Variants in BRD7 observed in about 807,000 individuals in gnomAD.
The protein encoded by BRD7 is bromodomain containing 7.
Under a neutral mutation model 82.1 loss-of-function variants are expected in BRD7, and 15 were observed. The ratio of observed to expected loss-of-function variants is 0.18; its 90% confidence interval spans 0.12 to 0.28. The LOEUF (loss-of-function observed/expected upper bound fraction) is 0.28. Among genes scored for constraint, BRD7 ranks in the 10% least tolerant of loss-of-function variants. BRD7 has a pLI of 1.00. For missense variants in BRD7, 638 were observed against 779.9 expected (o/e 0.82, Z 2.17); for synonymous variants, 232 against 266.9 (o/e 0.87, Z 1.27).
At chr16:50,351,625 T>C (rs74708933) in intron 4 of BRD7, among the ~76,000 whole-genome samples, 2,532 of 152,308 alleles carry the variant, frequency 0.017, 69 homozygotes, top group African/African-American at 0.057. Flanking sequence ...TGAAGAATCA[T>C]CCAATCACTA....
chr16:50,326,956 G>C (rs1396788121), intron 9 of BRD7, among the ~76,000 whole-genome samples: 1 of 152,228 alleles, frequency 6.6e-6, no homozygotes. Flanking sequence ...AGGAGAAGAT[G>C]TGGTCTCCCA....
intron 5 of BRD7, among the ~76,000 whole-genome samples, chr16:50,345,218 T>G (rs1036080078): frequency 1.3e-5 from 2 of 152,218 alleles, no homozygotes; most frequent in African/African-American, 4.8e-5. Flanking sequence ...AAACAAATGC[T>G]GACAGATTTT....
In BRD7 at chr16:50,318,594, T is replaced by C. The variant is rs999333497; in HGVS notation, c.*617A>G. The C allele has an allele frequency of 1.7e-4, 26 of 152,256 alleles. No homozygotes were observed. The highest frequency in any genetic ancestry group is 5.8e-4 in the African/African-American group (24 of 41,468). 9.4% of individuals were successfully genotyped at this position (152,256 alleles called of 1,614,324 possible). A position where few individuals can be genotyped will look rare whatever the true frequency, so the allele number is the denominator to read the frequency against. On this transcript the variant is annotated 3_prime_UTR_variant, in exon 17 of 17. Coordinates refer to ENST00000394688, the MANE Select transcript of BRD7 (RefSeq NM_013263.5). The stretch of plus-strand genomic sequence containing the variant: ...AGATAAACAGTAAGTAAAGTAGAAA[T>C]GTCACCTTTTGGTAATCTGGTAATT...
At chr16:50,331,957 C>T (rs180889682) in intron 8 of BRD7, among the ~76,000 whole-genome samples, 1 of 152,276 alleles carries the variant, frequency 6.6e-6, no homozygotes, top group African/African-American at 2.4e-5. Flanking sequence ...TGAAACTGAA[C>T]TCCTATCTCT....
Position 50,325,805 on chromosome 16 carries a change from T to A in BRD7, c.1274A>T (p.Asp425Val). Residue 425 changes from aspartate (D) to valine (V), a missense_variant, in exon 11 of 17, where the codon GAT becomes GTT. By Grantham distance (152) the Asp-to-Val change is radical. Coordinates refer to ENST00000394688, the MANE Select transcript of BRD7 (RefSeq NM_013263.5). Reference sequence around the variant, plus strand: ...ATAGGTTGAATAGATTAAATCAGAATCATCCTTGCTGATATTTGCAAATGT... The same window carrying A: ...ATAGGTTGAATAGATTAAATCAGAAACATCCTTGCTGATATTTGCAAATGT... ...DSTFANISKDDSDLIYSTYGE... is the reference protein window; with the variant it reads ...DSTFANISKDVSDLIYSTYGE... 1.2e-6 allele frequency: 2 copies of A among 1,611,982 alleles called. No individual in the cohort carries two copies. Among genetic ancestry groups the A allele is most frequent in the Non-Finnish European group, 1.7e-6 (2 of 1,179,300 alleles).
chr16:50,367,770 A>G (rs2151219148), intron 2 of BRD7, among the ~76,000 whole-genome samples: 1 of 152,312 alleles, frequency 6.6e-6, no homozygotes, highest in Middle Eastern at 3.4e-3. Context: ...ATTTTTGACA[A>G]TCCTTGAACA....
Position 50,335,397 on chromosome 16 carries a change from A to T in BRD7, c.703-502T>A, listed in dbSNP as rs569038750. On this transcript the variant is annotated intron_variant, in intron 6 of 16. Coordinates refer to ENST00000394688, the MANE Select transcript of BRD7 (RefSeq NM_013263.5). ...GAAAACAACAAGCCTTGAGGAGAAGACAGTTGGTGGCACAGTTCCTTCCTC... is the reference window on the plus strand; with the variant it reads ...GAAAACAACAAGCCTTGAGGAGAAGTCAGTTGGTGGCACAGTTCCTTCCTC... 5.9e-5 allele frequency among the ~76,000 whole-genome samples: 9 copies of T among 152,316 alleles called. No individual in the cohort carries two copies. In the South Asian group the frequency reaches 1.7e-3, roughly 28 times the overall value.
In BRD7 at chr16:50,368,918, G is replaced by A. The variant is rs1203602452; in HGVS notation, c.-144C>T. 3.5e-6 allele frequency: 1 copy of A among 287,452 alleles called. No homozygotes were observed. Among genetic ancestry groups the A allele is most frequent in the Non-Finnish European group, 5.1e-6 (1 of 194,464 alleles). 17.8% of individuals were successfully genotyped at this position (287,452 alleles called of 1,614,324 possible). A position where few individuals can be genotyped will look rare whatever the true frequency, so the allele number is the denominator to read the frequency against. On this transcript the variant is annotated 5_prime_UTR_variant, in exon 1 of 17. Transcript: ENST00000394688. ...GGCAGGGGGGCGGCGCGCGCCGGGC[G>A]GCGCGATGCCCCTCTCGAGAAGACG...
intron 12 of BRD7, 148 bp downstream of exon 12, chr16:50,323,439 A>T (rs753665071): frequency 4.8e-6 from 3 of 621,564 alleles, no homozygotes; most frequent in Non-Finnish European, 8.5e-6. Flanking sequence ...TTTATTGTCC[A>T]CCCGTGGCCT....
intron 4 of BRD7, among the ~76,000 whole-genome samples, chr16:50,352,469 C>T (rs1332335064): frequency 6.6e-6 from 1 of 152,170 alleles, no homozygotes; most frequent in African/African-American, 2.4e-5. Flanking sequence ...TAGACTGATT[C>T]CATCTTGGCT....
chr16:50,339,464 A>T (rs1215371809), intron 6 of BRD7, among the ~76,000 whole-genome samples: 2 of 152,220 alleles, frequency 1.3e-5, no homozygotes, highest in Admixed American at 1.3e-4. Flanking sequence ...AATGCTAAGT[A>T]TGTGTGCATT....
intron 2 of BRD7, among the ~76,000 whole-genome samples, chr16:50,365,356 C>A (rs1158503105): frequency 1.3e-5 from 2 of 152,204 alleles, no homozygotes; most frequent in Non-Finnish European, 2.9e-5. Flanking sequence ...GCATTCTTCA[C>A]CAAAATGACT....
intron 8 of BRD7, 30 bp from the exon 9 acceptor site, chr16:50,328,774 T>C (rs756132589): frequency 1.2e-6 from 2 of 1,601,884 alleles, no homozygotes; most frequent in Middle Eastern, 1.7e-4. Context: ...TCAGATGGAA[T>C]GAAGTGTTTT....
intron 4 of BRD7, 55 bp from the exon 5 acceptor site, chr16:50,350,222 A>G: frequency 1.5e-6 from 2 of 1,370,996 alleles, no homozygotes; most frequent in South Asian, 1.8e-5. Context: ...AAACAAATCT[A>G]TTGGTCTAGG....
At chr16:50,367,701 A>G (rs1016909082) in intron 2 of BRD7, among the ~76,000 whole-genome samples, 3 of 152,230 alleles carry the variant, frequency 2.0e-5, no homozygotes, top group African/African-American at 7.2e-5. Context: ...TGGCATTATA[A>G]TATTTATTTC....
chr16:50,331,350 G>C lies in BRD7; in HGVS notation c.1011+2224C>G, dbSNP rs146284887. Among the ~76,000 whole-genome samples the C allele has an allele frequency of 6.4e-3, 976 of 152,292 alleles. 14 individuals carry two copies. The highest frequency in any genetic ancestry group is 0.022 in the African/African-American group (916 of 41,568). On this transcript the variant is annotated intron_variant, in intron 8 of 16. Coordinates refer to ENST00000394688, the MANE Select transcript of BRD7 (RefSeq NM_013263.5). ...ATGGAACCAAAAAGGAGCCTGAAGT[G>C]CCAAAGCAATTCTAAGCAAAAAGAA...
chr16:50,355,000 A>G (rs2038678255), intron 2 of BRD7, 78 bp from the exon 3 acceptor site: 1 of 1,472,456 alleles, frequency 6.8e-7, no homozygotes, highest in Admixed American at 2.1e-5. Context: ...TTTAAGGGGT[A>G]AAAAGACATC....
chr16:50,362,763 G>C (rs1293938997), intron 2 of BRD7, among the ~76,000 whole-genome samples: 2 of 152,208 alleles, frequency 1.3e-5, no homozygotes, highest in Non-Finnish European at 2.9e-5. Flanking sequence ...AAGTGGAATG[G>C]TGGTTGCCAA....
chr16:50,354,055 A>G (rs1012532813), intron 4 of BRD7, among the ~76,000 whole-genome samples: 1 of 152,208 alleles, frequency 6.6e-6, no homozygotes, highest in African/African-American at 2.4e-5. Context: ...CCCATACTTA[A>G]TAATTGCTAA....
Sources: allele counts gnomAD v4.1 joint callset (sites outside exome capture counted in the v4.1 genomes callset), GRCh38; gene constraint gnomAD v4.1.1; transcripts MANE v1.5; gene names NCBI Gene and HGNC (gene_info 2026-07-23, HGNC 2026-07-21).